The following ERI3 variants were observed in gnomAD, a reference collection of about 807,000 sequenced individuals.
ERI3 encodes ERI1 exoribonuclease 3.
Under a neutral mutation model 44.4 loss-of-function variants are expected in ERI3, and 18 were observed. The observed-to-expected ratio is 0.41, with a 90% confidence interval of 0.28 to 0.60. The LOEUF is 0.60. Ranked by LOEUF, ERI3 falls within the 20% of genes least tolerant of loss-of-function variation. The pLI, the probability that ERI3 is intolerant of heterozygous loss-of-function variation, is 0.36. For missense variants in ERI3, 294 were observed against 435.5 expected (o/e 0.68, Z 2.89); for synonymous variants, 183 against 164.8 (o/e 1.11, Z -0.84).
chr1:44,307,701 T>G (rs1429134032), intron 6 of ERI3, among the ~76,000 whole-genome samples: 1 of 152,190 alleles, frequency 6.6e-6, no homozygotes, highest in Non-Finnish European at 1.5e-5. Flanking sequence ...AAGAGGAGGC[T>G]GGTGACGTGG....
intron 4 of ERI3, 94 bp from the exon 5 acceptor site, chr1:44,313,322 G>A (rs2154328363): frequency 8.5e-7 from 1 of 1,179,588 alleles, no homozygotes. Flanking sequence ...TTCTCCTTCT[G>A]TTGTAAAGGG....
chr1:44,354,127 A>T (rs1646949839), intron 1 of ERI3: 1 of 985,352 alleles, frequency 1.0e-6, no homozygotes. Flanking sequence ...TACAATCAAA[A>T]CTCATTTAGC....
intron 7 of ERI3, among the ~76,000 whole-genome samples, chr1:44,273,338 C>A (rs1645123209): frequency 6.6e-6 from 1 of 152,244 alleles, no homozygotes; most frequent in Admixed American, 6.5e-5. Flanking sequence ...TCCCTGCCCA[C>A]TTCCCTAAGA....
chr1:44,314,561 C>T (rs1646043316), intron 4 of ERI3, among the ~76,000 whole-genome samples: 1 of 152,220 alleles, frequency 6.6e-6, no homozygotes, highest in Non-Finnish European at 1.5e-5. Context: ...GCCCACCCGG[C>T]TGGCACCTCC....
chr1:44,303,935 T>C (rs528344634), intron 6 of ERI3, among the ~76,000 whole-genome samples: 2 of 152,076 alleles, frequency 1.3e-5, no homozygotes, highest in East Asian at 3.9e-4. Context: ...GCAGTAGGGA[T>C]GGGAAGAAAG....
intron 8 of ERI3, among the ~76,000 whole-genome samples, chr1:44,238,349 G>A (rs980171423): frequency 1.8e-4 from 27 of 152,200 alleles, no homozygotes; most frequent in Non-Finnish European, 2.6e-4. Flanking sequence ...CCGGTTTATC[G>A]CAGGCTGCAG....
intron 8 of ERI3, among the ~76,000 whole-genome samples, chr1:44,227,454 A>T (rs1416007317): frequency 6.6e-6 from 1 of 152,214 alleles, no homozygotes; most frequent in African/African-American, 2.4e-5. Context: ...TCCTGGCAGC[A>T]GTAATGCCCT....
chr1:44,289,682 G>A (rs1272736051), intron 6 of ERI3, among the ~76,000 whole-genome samples: 1 of 152,240 alleles, frequency 6.6e-6, no homozygotes, highest in Non-Finnish European at 1.5e-5. Context: ...GAGCCATACT[G>A]GCTGGGCCGA....
chr1:44,267,022 G>A (rs1645003316), intron 7 of ERI3, among the ~76,000 whole-genome samples: 1 of 152,200 alleles, frequency 6.6e-6, no homozygotes, highest in Non-Finnish European at 1.5e-5. Context: ...AGAGCAATAG[G>A]AGCAGGTGGC....
chr1:44,250,358 C>G (rs767941401), intron 7 of ERI3, among the ~76,000 whole-genome samples: 35 of 152,210 alleles, frequency 2.3e-4, no homozygotes, highest in Non-Finnish European at 4.1e-4. Flanking sequence ...AAGACCACTT[C>G]AGATAACATT....
Position 44,284,040 on chromosome 1 carries a change from G to A in ERI3, c.831+795C>T. On this transcript the variant is annotated intron_variant, in intron 7 of 8. Coordinates refer to ENST00000372257, the MANE Select transcript of ERI3 (RefSeq NM_024066.3). ...GAGCTTCCTCTGACTGGTAGCATGA[G>A]GTTCCTGAGGCTGTTCCAGGACTGC... 6.4e-6 allele frequency: 3 copies of A among 471,100 alleles called. 1 individual carries two copies. The highest frequency in any genetic ancestry group is 4.6e-5 in the South Asian group (3 of 64,560). 29.2% of individuals were successfully genotyped at this position (471,100 alleles called of 1,614,324 possible).
chr1:44,302,045 G>A (rs1480570840), intron 6 of ERI3, among the ~76,000 whole-genome samples: 14 of 152,230 alleles, frequency 9.2e-5, no homozygotes, highest in Non-Finnish European at 7.3e-5. Context: ...TAAGAGAGCT[G>A]GAGGGTGGGC....
chr1:44,225,619 CA>C (rs1644019616), intron 8 of ERI3, among the ~76,000 whole-genome samples: 1 of 152,190 alleles, frequency 6.6e-6, no homozygotes, highest in Non-Finnish European at 1.5e-5. Context: ...CAAGGAAAGA[CA>C]AGCTTGTTGG....
At position 44,321,142 on chromosome 1, in the gene ERI3, G is replaced by A. The variant is rs762824581; in HGVS notation, c.490-1398C>T. On this transcript the variant is annotated intron_variant, in intron 3 of 8. Coordinates refer to ENST00000372257, the MANE Select transcript of ERI3 (RefSeq NM_024066.3). ...TCCCAGGAAAGCCAGGTATCCTCCC[G>A]GCAAAACATACCCACTAATATTGGG... Among the ~76,000 whole-genome samples, 75 of 152,266 alleles carry A rather than the reference G, an allele frequency of 4.9e-4. 1 individual carries two copies. The highest frequency in any genetic ancestry group is 7.6e-4 in the Non-Finnish European group (52 of 68,016).
chr1:44,255,400 G>A (rs1404220588), intron 7 of ERI3, among the ~76,000 whole-genome samples: 1 of 152,080 alleles, frequency 6.6e-6, no homozygotes, highest in Admixed American at 6.5e-5. Context: ...CTAGCTCTCT[G>A]CCATTTTCCC....
chr1:44,269,445 C>T (rs573361265), intron 7 of ERI3, among the ~76,000 whole-genome samples: 1 of 152,350 alleles, frequency 6.6e-6, no homozygotes, highest in East Asian at 1.9e-4. Flanking sequence ...CATACTGGCA[C>T]ATTCACCCAC....
At chr1:44,265,798 G>A (rs1001963981) in intron 7 of ERI3, among the ~76,000 whole-genome samples, 1 of 152,074 alleles carries the variant, frequency 6.6e-6, no homozygotes, top group African/African-American at 2.4e-5. Flanking sequence ...CCACATACAA[G>A]AAGTTCCCAG....
chr1:44,324,592 C>T (rs1437587103), intron 3 of ERI3, among the ~76,000 whole-genome samples: 4 of 151,398 alleles, frequency 2.6e-5, no homozygotes, highest in Non-Finnish European at 4.4e-5. Flanking sequence ...CGCCATTCTC[C>T]TGCCTCAGCC....
At chr1:44,304,354 C>T (rs1645790343) in intron 6 of ERI3, among the ~76,000 whole-genome samples, 1 of 151,974 alleles carries the variant, frequency 6.6e-6, no homozygotes, top group Non-Finnish European at 1.5e-5. Context: ...CAAAGAAACA[C>T]CACTATTTAA....
Sources: gnomAD v4.1 joint callset for allele counts (sites outside exome capture counted in the v4.1 genomes callset) on GRCh38, gnomAD v4.1.1 for gene constraint, MANE v1.5 for transcripts, NCBI Gene and HGNC (gene_info 2026-07-23, HGNC 2026-07-21) for gene names.